FAM83B: variants seen among roughly 807,000 people sequenced by gnomAD.
FAM83B encodes the protein protein FAM83B.
A neutral mutation model predicts 38.8 loss-of-function variants in FAM83B; 26 were observed. That is an observed-to-expected ratio of 0.67 (90% CI 0.49 to 0.93). The LOEUF is 0.93. Ranked by LOEUF, FAM83B falls within the 40% of genes least tolerant of loss-of-function variation. FAM83B has a pLI of 0.00. For missense variants in FAM83B, 1,237 were observed against 1,197.3 expected, an observed-to-expected ratio of 1.03 and a Z score of -0.49; for synonymous variants, 419 against 423.1, an observed-to-expected ratio of 0.99 and a Z score of 0.12.
rs771757583 is a variant in FAM83B, at chr6:54,940,907, A to C, written c.1936A>C (p.Lys646Gln). The change falls in exon 5 of 5, where the codon AAG (lysine) becomes CAG (glutamine). Residue 646 changes from lysine (K) to glutamine (Q), a missense_variant. Lys to Gln is a moderately conservative substitution (Grantham distance 53). Transcript: ENST00000306858. ...TATATATAAAACCTTGGGTGTAAAT[A>C]AGCAGACAGAAAATCTAAAGAATCA... ...NYIYKTLGVN[K>Q]QTENLKNQQT... The C allele has an allele frequency of 6.2e-7, 1 of 1,613,484 alleles. No individual in the cohort carries two copies. Among genetic ancestry groups the C allele is most frequent in the Admixed American group, 1.7e-5 (1 of 59,832 alleles).
chr6:54,875,804 A>G (rs1229778407), intron 2 of FAM83B, among the ~76,000 whole-genome samples: 1 of 152,078 alleles, frequency 6.6e-6, no homozygotes, highest in African/African-American at 2.4e-5. Context: ...GAGAGAAAGA[A>G]AAAGATCTGG....
At chr6:54,880,313 G>GT (rs1561912157) in intron 2 of FAM83B, among the ~76,000 whole-genome samples, 1 of 152,110 alleles carries the variant, frequency 6.6e-6, no homozygotes, top group South Asian at 2.1e-4. Context: ...TACTCTTTAA[G>GT]TATCAGGATT....
At chr6:54,847,447 G>A (rs1286848047) in intron 1 of FAM83B, among the ~76,000 whole-genome samples, 1 of 152,060 alleles carries the variant, frequency 6.6e-6, no homozygotes, top group Non-Finnish European at 1.5e-5. Context: ...TTCATACTTG[G>A]GTCGGCCTGA....
At chr6:54,931,486 T>C (rs1207997529) in intron 4 of FAM83B, among the ~76,000 whole-genome samples, 1 of 137,164 alleles carries the variant, frequency 7.3e-6, no homozygotes, top group Non-Finnish European at 1.5e-5. Flanking sequence ...CACAAATACT[T>C]ATAATTGTTA....
In FAM83B at chr6:54,870,058, A is replaced by G. The variant is rs1173904958; in HGVS notation, c.-60-129A>G. The G allele has an allele frequency of 5.4e-6, 3 of 554,176 alleles. No homozygotes were observed. In the African/African-American group the frequency reaches 5.6e-5, roughly 10 times the overall value. The allele number at this position is 554,176 out of a possible 1,614,324, so 34.3% of individuals were successfully genotyped here. A position where few individuals can be genotyped will look rare whatever the true frequency, so the allele number is the denominator to read the frequency against. On this transcript the variant is annotated intron_variant, in intron 1 of 4. Coordinates refer to ENST00000306858, the MANE Select transcript of FAM83B (RefSeq NM_001010872.3). ...TGCTATTAATGTCATTTTGGATATG[A>G]AATATGTGTCATTTTGAGCTTCTGG...
At chr6:54,912,374 C>T (rs1435734290) in intron 2 of FAM83B, among the ~76,000 whole-genome samples, 12 of 150,316 alleles carry the variant, frequency 8.0e-5, no homozygotes, top group Non-Finnish European at 1.6e-4. Context: ...TTTTTATGAA[C>T]CTGAATTCAT....
Position 54,927,501 on chromosome 6 carries a change from A to T in FAM83B, c.610-7A>T, listed in dbSNP as rs768117438. 1.5e-5 allele frequency: 24 copies of T among 1,586,718 alleles called. No individual in the cohort carries two copies. Among genetic ancestry groups the T allele is most frequent in the Non-Finnish European group, 2.1e-5 (24 of 1,164,036 alleles). Reference sequence around the variant, plus strand: ...AATGTCTGCTTTTTATTTACATATAATTCTAGAATATTCGAGTGCGAACAG... The same window carrying T: ...AATGTCTGCTTTTTATTTACATATATTTCTAGAATATTCGAGTGCGAACAG... On this transcript the variant is annotated splice_polypyrimidine_tract_variant and splice_region_variant and intron_variant, in intron 3 of 4. Coordinates refer to ENST00000306858, the MANE Select transcript of FAM83B (RefSeq NM_001010872.3).
chr6:54,906,621 G>A (rs1772782067), intron 2 of FAM83B, among the ~76,000 whole-genome samples: 1 of 152,066 alleles, frequency 6.6e-6, no homozygotes, highest in Non-Finnish European at 1.5e-5. Flanking sequence ...CTGACCTCAG[G>A]TGATTCCCTG....
intron 4 of FAM83B, among the ~76,000 whole-genome samples, chr6:54,931,240 G>A (rs1581929309): frequency 6.6e-6 from 1 of 152,140 alleles, no homozygotes; most frequent in Non-Finnish European, 1.5e-5. Flanking sequence ...TGTACCATGT[G>A]TACTTGAGAA....
At chr6:54,900,331 C>A (rs557764672) in intron 2 of FAM83B, among the ~76,000 whole-genome samples, 1 of 152,220 alleles carries the variant, frequency 6.6e-6, no homozygotes, top group African/African-American at 2.4e-5. Flanking sequence ...TCTGGGGGAA[C>A]TTTTCAAACT....
At chr6:54,934,186 T>A (rs1773482708) in intron 4 of FAM83B, among the ~76,000 whole-genome samples, 1 of 152,166 alleles carries the variant, frequency 6.6e-6, no homozygotes, top group African/African-American at 2.4e-5. Flanking sequence ...GTATTTTTAT[T>A]TGTAGTTTGT....
intron 2 of FAM83B, among the ~76,000 whole-genome samples, chr6:54,905,322 C>T (rs760322916): frequency 2.0e-4 from 31 of 152,198 alleles, no homozygotes; most frequent in African/African-American, 6.7e-4. Context: ...GCTCTCAGTA[C>T]GTGTGCGATT....
intron 2 of FAM83B, among the ~76,000 whole-genome samples, chr6:54,894,285 A>G (rs1772467792): frequency 6.6e-6 from 1 of 152,186 alleles, no homozygotes; most frequent in African/African-American, 2.4e-5. Context: ...GAATCTGGCA[A>G]GAATTTACAA....
chr6:54,886,904 C>T, intron 2 of FAM83B, among the ~76,000 whole-genome samples: 1 of 151,636 alleles, frequency 6.6e-6, no homozygotes, highest in East Asian at 1.9e-4. Context: ...TTATATATAC[C>T]TTATTATTAT....
chr6:54,869,859 G>A (rs1357537061), intron 1 of FAM83B, among the ~76,000 whole-genome samples: 1 of 152,168 alleles, frequency 6.6e-6, no homozygotes, highest in Admixed American at 6.5e-5. Context: ...ATTACATCTA[G>A]CATATTCTGT....
At chr6:54,897,208 A>G (rs2127581517) in intron 2 of FAM83B, among the ~76,000 whole-genome samples, 1 of 150,226 alleles carries the variant, frequency 6.7e-6, no homozygotes, top group East Asian at 1.9e-4. Flanking sequence ...CTGGTATGGC[A>G]GTAACCCATG....
At chr6:54,927,201 G>A (rs239799) in intron 3 of FAM83B, among the ~76,000 whole-genome samples, 35,838 of 151,918 alleles carry the variant, frequency 0.24, 5,389 homozygotes, top group African/African-American at 0.43. Flanking sequence ...TAAAAGGAAG[G>A]TTAATTTTAA....
intron 2 of FAM83B, among the ~76,000 whole-genome samples, chr6:54,896,602 A>G (rs972429730): frequency 6.6e-6 from 1 of 152,238 alleles, no homozygotes; most frequent in Admixed American, 6.5e-5. Context: ...TAAGAAGCGT[A>G]CAAAAGAATA....
intron 2 of FAM83B, among the ~76,000 whole-genome samples, chr6:54,916,456 G>A (rs1773040830): frequency 6.6e-6 from 1 of 151,972 alleles, no homozygotes; most frequent in Admixed American, 6.6e-5. Flanking sequence ...TGATTCACAC[G>A]CTCGTATTGA....
Sources: gnomAD v4.1 joint callset for allele counts (sites outside exome capture counted in the v4.1 genomes callset) on GRCh38, gnomAD v4.1.1 for gene constraint, MANE v1.5 for transcripts, NCBI Gene and HGNC (gene_info 2026-07-23, HGNC 2026-07-21) for gene names.